NF1: variants seen among roughly 807,000 people sequenced by gnomAD.
NF1 encodes neurofibromin.
Under a neutral mutation model 325.7 loss-of-function variants are expected in NF1, and 122 were observed. The ratio of observed to expected loss-of-function variants is 0.37; its 90% CI spans 0.32 to 0.44. The LOEUF is 0.44. Among genes scored for constraint, NF1 ranks in the 20% least tolerant of loss-of-function variants. The probability of loss-of-function intolerance (pLI) is 1.00; values close to 1 mark genes in which losing one functional copy is unlikely to be tolerated. For synonymous variants in NF1, 1,091 were observed against 1,186.0 expected, an observed-to-expected ratio of 0.92 and a Z score of 1.65; for missense variants, 2,140 against 3,415.4, an observed-to-expected ratio of 0.63 and a Z score of 9.31.
rs786202030 is a variant in NF1, at chr17:31,338,093, G to A, written c.6773G>A (p.Arg2258Gln). ...ALVVFGCISK[R>Q]VSHGQIKQII... Reference sequence around the variant, plus strand: ...GTTGTCTTTGGGTGTATTAGCAAACGAGTGTCTCATGGGCAGATAAAGCAG... The same window carrying A: ...GTTGTCTTTGGGTGTATTAGCAAACAAGTGTCTCATGGGCAGATAAAGCAG... The change falls in exon 45 of 58, where the codon CGA becomes CAA. Residue 2258 changes from arginine (R) to glutamine (Q), a missense_variant. By Grantham distance (43) the Arg-to-Gln change is conservative. Transcript: ENST00000358273. 1.1e-5 allele frequency: 17 copies of A among 1,613,754 alleles called. No homozygotes were observed. In the East Asian group the frequency reaches 1.8e-4, roughly 17 times the overall value.
intron 14 of NF1, among the ~76,000 whole-genome samples, chr17:31,220,557 G>A (rs1484017626): frequency 5.9e-5 from 9 of 152,012 alleles, no homozygotes; most frequent in Non-Finnish European, 1.0e-4. Flanking sequence ...GAGGAGAATG[G>A]GTTAATATTC....
At chr17:31,129,985 G>A (rs1915217168) in intron 1 of NF1, among the ~76,000 whole-genome samples, 1 of 150,446 alleles carries the variant, frequency 6.6e-6, no homozygotes, top group African/African-American at 2.4e-5. Context: ...GAGGAAAGAA[G>A]ATGCTCTGGC....
At chr17:31,163,960 C>G (rs1326297803) in intron 4 of NF1, among the ~76,000 whole-genome samples, 1 of 152,140 alleles carries the variant, frequency 6.6e-6, no homozygotes, top group African/African-American at 2.4e-5. Context: ...GTAGAATTCT[C>G]CAGAAAGTGG....
chr17:31,370,473 G>T (rs536073288), intron 57 of NF1, among the ~76,000 whole-genome samples: 1 of 152,102 alleles, frequency 6.6e-6, no homozygotes, highest in Admixed American at 6.5e-5. Context: ...TTTATAGCTT[G>T]TTTTGTACCC....
chr17:31,315,156 CTATT>C (rs2068988791), intron 36 of NF1, among the ~76,000 whole-genome samples: 1 of 152,024 alleles, frequency 6.6e-6, no homozygotes, highest in Non-Finnish European at 1.5e-5. Context: ...AAGTTCTCAA[CTATT>C]TATTTGATTA....
At chr17:31,272,607 G>A (rs1469325682) in intron 36 of NF1, 5 of 152,190 alleles carry the variant, frequency 3.3e-5, no homozygotes, top group Non-Finnish European at 4.4e-5. Context: ...TCTGGGATTG[G>A]TGCTCTTCCT....
intron 1 of NF1, among the ~76,000 whole-genome samples, chr17:31,111,604 T>G (rs549921028): frequency 2.0e-5 from 3 of 152,306 alleles, no homozygotes; most frequent in Admixed American, 2.0e-4. Context: ...AACAGACATT[T>G]TTTAAATGTT....
At chr17:31,156,198 A>G (rs928478925) in intron 2 of NF1, 72 bp downstream of exon 2, 1 of 1,549,304 alleles carries the variant, frequency 6.5e-7, no homozygotes, top group Admixed American at 1.7e-5. Context: ...TTAGAACAGC[A>G]TATTTTGAAG....
chr17:31,274,308 T>C (rs1171601302), intron 36 of NF1, among the ~76,000 whole-genome samples: 1 of 152,150 alleles, frequency 6.6e-6, no homozygotes, highest in Admixed American at 6.5e-5. Flanking sequence ...AACTAGCATA[T>C]AGGGAAATTG....
chr17:31,095,217 C>T lies in NF1; in HGVS notation c.-93C>T, dbSNP rs1340472383. 3 of 1,233,268 alleles carry T rather than the reference C, an allele frequency of 2.4e-6. No homozygotes were observed. Among genetic ancestry groups the T allele is most frequent in the Admixed American group, 2.0e-5 (1 of 50,590 alleles). The allele number at this position is 1,233,268 out of a possible 1,614,324, so 76.4% of individuals were successfully genotyped here. Reference sequence around the variant, plus strand: ...CACTCCACAGACCCTCTCCTTGCCTCTTCCCTCACCTCAGCCTCCGCTCCC... The same window carrying T: ...CACTCCACAGACCCTCTCCTTGCCTTTTCCCTCACCTCAGCCTCCGCTCCC... On this transcript the variant is annotated 5_prime_UTR_variant, in exon 1 of 58. Coordinates refer to ENST00000358273, the MANE Select transcript of NF1 (RefSeq NM_001042492.3).
At chr17:31,246,463 T>A (rs1391990843) in intron 29 of NF1, among the ~76,000 whole-genome samples, 3 of 152,216 alleles carry the variant, frequency 2.0e-5, no homozygotes, top group African/African-American at 4.8e-5. Context: ...TTAATTAATA[T>A]AGAAACAAAA....
intron 38 of NF1, among the ~76,000 whole-genome samples, chr17:31,328,162 A>AT (rs1348876463): frequency 6.6e-6 from 1 of 152,232 alleles, no homozygotes; most frequent in Non-Finnish European, 1.5e-5. Context: ...TTTCAGAAGT[A>AT]TATCACTATT....
chr17:31,273,164 G>C (rs1034840610), intron 36 of NF1, among the ~76,000 whole-genome samples: 1 of 152,156 alleles, frequency 6.6e-6, no homozygotes, highest in Non-Finnish European at 1.5e-5. Context: ...ATAAATATTG[G>C]TATTTTCTTG....
intron 15 of NF1, among the ~76,000 whole-genome samples, chr17:31,223,107 A>G (rs1434588019): frequency 6.6e-6 from 1 of 152,168 alleles, no homozygotes; most frequent in Non-Finnish European, 1.5e-5. Flanking sequence ...CCCACTGTGG[A>G]GCACTGGGTT....
chr17:31,121,404 T>G (rs1298432501), intron 1 of NF1, among the ~76,000 whole-genome samples: 3 of 145,204 alleles, frequency 2.1e-5, no homozygotes, highest in Non-Finnish European at 3.0e-5. Flanking sequence ...TCTTTTTTTT[T>G]TTTTTTTTTT....
chr17:31,236,585 G>A (rs2067207818), intron 29 of NF1, among the ~76,000 whole-genome samples: 2 of 151,296 alleles, frequency 1.3e-5, no homozygotes, highest in Admixed American at 6.6e-5. Flanking sequence ...GATTACAGGT[G>A]TGCGCCACCA....
chr17:31,258,253 T>C, intron 31 of NF1, 91 bp from the exon 32 acceptor site: 1 of 1,402,904 alleles, frequency 7.1e-7, no homozygotes, highest in Admixed American at 1.7e-5. Flanking sequence ...GATTCAGAGT[T>C]TTTATGCAAA....
chr17:31,365,674 G>A (rs982724023), intron 57 of NF1, among the ~76,000 whole-genome samples: 1 of 152,148 alleles, frequency 6.6e-6, no homozygotes, highest in Admixed American at 6.5e-5. Context: ...AGACCCCAGG[G>A]GAGCAGAGGG....
chr17:31,225,193 A>G lies in NF1; in HGVS notation c.1944A>G (p.Glu648=), dbSNP rs1465016257. ...GNTSQMSMDH[E]ELLRTPGASL... is the part of the protein sequence containing the mutation. The stretch of plus-strand genomic sequence containing the variant: ...CCAGTCAAATGTCCATGGATCATGA[A>G]GAATTACTACGTACTCCTGGAGCCT... The change falls in exon 17 of 58, where the codon GAA becomes GAG. Residue 648 remains glutamate, a synonymous_variant. Transcript: ENST00000358273. 2.5e-6 allele frequency: 4 copies of G among 1,613,752 alleles called. No homozygotes were observed. In the African/African-American group the frequency reaches 5.3e-5, roughly 22 times the overall value.
Sources: gnomAD v4.1 joint callset for allele counts (sites outside exome capture counted in the v4.1 genomes callset) on GRCh38, gnomAD v4.1.1 for gene constraint, MANE v1.5 for transcripts, NCBI Gene and HGNC (gene_info 2026-07-23, HGNC 2026-07-21) for gene names.